SOX5: variants seen among roughly 807,000 people sequenced by gnomAD.
The protein encoded by SOX5 is SRY-box transcription factor 5.
A neutral mutation model predicts 92.0 loss-of-function variants in SOX5; 9 were observed. The ratio of observed to expected loss-of-function variants is 0.10; its 90% CI spans 0.06 to 0.17. The LOEUF is 0.17. Ranked by LOEUF, SOX5 falls within the 10% of genes least tolerant of loss-of-function variation. The pLI, the probability that SOX5 is intolerant of heterozygous loss-of-function variation, is 1.00. For synonymous variants in SOX5, 344 were observed against 336.3 expected (o/e 1.02, Z -0.25); for missense variants, 642 against 944.5 (o/e 0.68, Z 4.20).
intron 6 of SOX5, among the ~76,000 whole-genome samples, chr12:23,708,727 T>G (rs1290507976): frequency 1.3e-5 from 2 of 152,002 alleles, no homozygotes; most frequent in Admixed American, 1.3e-4. Context: ...AAAGGCAAAA[T>G]CAATACACGC....
chr12:24,052,708 G>C (rs1484410985), intron 4 of SOX5, among the ~76,000 whole-genome samples: 9 of 152,066 alleles, frequency 5.9e-5, no homozygotes, highest in Admixed American at 5.9e-4. Context: ...GTTTTTTATG[G>C]TCATCTTTTA....
intron 6 of SOX5, among the ~76,000 whole-genome samples, chr12:23,729,486 C>T (rs1451534360): frequency 1.3e-5 from 2 of 152,150 alleles, no homozygotes; most frequent in African/African-American, 4.8e-5. Context: ...ACTAAGAATA[C>T]AAGAGAATGG....
intron 1 of SOX5, among the ~76,000 whole-genome samples, chr12:23,940,652 T>C (rs1337767553): frequency 2.0e-5 from 3 of 151,182 alleles, no homozygotes; most frequent in Admixed American, 6.6e-5. Context: ...CTTTGTACTA[T>C]GTTACATTTC....
chr12:24,466,004 C>A (rs1944193584), intron 1 of SOX5, among the ~76,000 whole-genome samples: 1 of 152,132 alleles, frequency 6.6e-6, no homozygotes, highest in Non-Finnish European at 1.5e-5. Context: ...AATAATACTA[C>A]CCTAATTATC....
chr12:24,212,355 G>A (rs546857473), intron 4 of SOX5: 15 of 527,416 alleles, frequency 2.8e-5, no homozygotes, highest in African/African-American at 2.5e-4. Flanking sequence ...TAATTGAAGA[G>A]ATCTGATCAC....
At chr12:24,073,543 T>A (rs186968372) in intron 4 of SOX5, among the ~76,000 whole-genome samples, 9 of 152,314 alleles carry the variant, frequency 5.9e-5, no homozygotes, top group African/African-American at 1.9e-4. Flanking sequence ...GGATGGTAAC[T>A]TACTGTTGCT....
intron 4 of SOX5, among the ~76,000 whole-genome samples, chr12:24,080,779 A>G (rs1352853830): frequency 6.6e-6 from 1 of 151,980 alleles, no homozygotes; most frequent in Non-Finnish European, 1.5e-5. Flanking sequence ...GAGTGAGCAC[A>G]AATATTTGAT....
intron 3 of SOX5, among the ~76,000 whole-genome samples, chr12:23,756,366 A>C (rs759481021): frequency 1.3e-5 from 2 of 151,908 alleles, no homozygotes; most frequent in Non-Finnish European, 2.9e-5. Flanking sequence ...CACTCTTTTA[A>C]AATGCCCTGT....
At chr12:23,811,894 A>G (rs2095880839) in intron 3 of SOX5, among the ~76,000 whole-genome samples, 1 of 152,120 alleles carries the variant, frequency 6.6e-6, no homozygotes, top group African/African-American at 2.4e-5. Flanking sequence ...ACTTTTTAAA[A>G]AAGACTTATC....
chr12:23,603,358 T>C (rs2074771401), intron 9 of SOX5, among the ~76,000 whole-genome samples: 1 of 150,684 alleles, frequency 6.6e-6, no homozygotes, highest in Admixed American at 6.6e-5. Flanking sequence ...TTACACTGTT[T>C]TGTTTTAGAC....
intron 1 of SOX5, among the ~76,000 whole-genome samples, chr12:23,928,585 AAAT>A (rs1196857072): frequency 1.3e-5 from 2 of 151,882 alleles, no homozygotes; most frequent in South Asian, 2.1e-4. Context: ...CAATAAAGTA[AAAT>A]AATAAAACAA....
chr12:24,337,311 T>C (rs765590070), intron 2 of SOX5, among the ~76,000 whole-genome samples: 25 of 151,878 alleles, frequency 1.6e-4, no homozygotes, highest in Non-Finnish European at 3.1e-4. Context: ...ATCTAGTTTA[T>C]TGGCATTACA....
At chr12:24,297,687 T>G (rs1947433753) in intron 2 of SOX5, among the ~76,000 whole-genome samples, 1 of 152,220 alleles carries the variant, frequency 6.6e-6, no homozygotes, top group Admixed American at 6.5e-5. Context: ...CTTCAGGAAC[T>G]ACTGCACTAT....
At chr12:23,849,314 A>G (rs1237150976) in intron 2 of SOX5, among the ~76,000 whole-genome samples, 1 of 152,098 alleles carries the variant, frequency 6.6e-6, no homozygotes, top group East Asian at 1.9e-4. Context: ...TCAGACAGTA[A>G]TTGATAAGAA....
intron 9 of SOX5, among the ~76,000 whole-genome samples, chr12:23,590,331 A>G (rs1393140032): frequency 6.6e-6 from 1 of 151,982 alleles, no homozygotes; most frequent in African/African-American, 2.4e-5. Context: ...ACACACTTGT[A>G]TCTTTATATT....
intron 3 of SOX5, among the ~76,000 whole-genome samples, chr12:23,773,047 T>C (rs1290878466): frequency 6.6e-6 from 1 of 152,154 alleles, no homozygotes; most frequent in East Asian, 1.9e-4. Context: ...GGAGAAACAT[T>C]ATTCTAATAA....
chr12:23,679,415 CT>C (rs1339377442), intron 6 of SOX5, among the ~76,000 whole-genome samples: 2 of 151,996 alleles, frequency 1.3e-5, no homozygotes, highest in Non-Finnish European at 2.9e-5. Context: ...GATGATGATT[CT>C]TTGACAAATA....
chr12:24,317,187 G>A (rs955792367), intron 2 of SOX5, among the ~76,000 whole-genome samples: 10 of 152,104 alleles, frequency 6.6e-5, no homozygotes, highest in Non-Finnish European at 1.2e-4. Flanking sequence ...TATGCTCTAA[G>A]TATTATTTTA....
At chr12:24,245,230 G>A (rs1938407317) in intron 3 of SOX5, among the ~76,000 whole-genome samples, 1 of 126,960 alleles carries the variant, frequency 7.9e-6, no homozygotes, top group Admixed American at 9.1e-5. Flanking sequence ...TGTGTTTGGA[G>A]AGATTTGTGT....
Sources: gnomAD v4.1 joint callset for allele counts (sites outside exome capture counted in the v4.1 genomes callset) on GRCh38, gnomAD v4.1.1 for gene constraint, MANE v1.5 for transcripts, NCBI Gene and HGNC (gene_info 2026-07-23, HGNC 2026-07-21) for gene names.